Variants in ANKHD1 observed in about 807,000 individuals in gnomAD.
ANKHD1 encodes ankyrin repeat and KH domain-containing protein 1.
Under a neutral mutation model 230.5 loss-of-function variants are expected in ANKHD1, and 31 were observed. The ratio of observed to expected loss-of-function variants is 0.13; its 90% CI spans 0.10 to 0.18. The LOEUF (loss-of-function observed/expected upper bound fraction) is 0.18, where lower values mean the gene tolerates loss of function less well. ANKHD1 is among the 10% of genes least tolerant of loss of function. The pLI is 1.00. For synonymous variants in ANKHD1, 1,074 were observed against 1,117.6 expected (o/e 0.96, Z 0.78); for missense variants, 2,256 against 3,071.3 (o/e 0.73, Z 6.27).
At chr5:140,464,855 A>G (rs1775975083) in intron 10 of ANKHD1, 79 bp downstream of exon 10, 1 of 1,385,212 alleles carries the variant, frequency 7.2e-7, no homozygotes, top group Admixed American at 2.3e-5. Flanking sequence ...AACACTAAAG[A>G]TCAATGGTTT....
At chr5:140,424,422 T>C (rs1772241489) in intron 1 of ANKHD1, among the ~76,000 whole-genome samples, 1 of 152,168 alleles carries the variant, frequency 6.6e-6, no homozygotes, top group Non-Finnish European at 1.5e-5. Context: ...CAGCTCTGAC[T>C]CCTCCGGTGC....
chr5:140,463,654 T>G (rs1449567276), intron 9 of ANKHD1, among the ~76,000 whole-genome samples: 2 of 152,030 alleles, frequency 1.3e-5, no homozygotes, highest in African/African-American at 4.8e-5. Context: ...AAGGGTTTTT[T>G]TTGGTTTTGT....
Position 140,441,061 on chromosome 5 carries a change from G to A in ANKHD1, c.832G>A (p.Ala278Thr). 1 of 1,612,042 alleles carries A rather than the reference G, an allele frequency of 6.2e-7. No homozygotes were observed. The highest frequency in any genetic ancestry group is 8.5e-7 in the Non-Finnish European group (1 of 1,179,242). Residue 278 changes from alanine to threonine, a missense_variant, in exon 5 of 34, where the codon GCA becomes ACA. Around this residue, in one of 13 missense-constraint regions of ANKHD1, gnomAD observed 206 missense variants for 304.5 expected, o/e 0.68. Coordinates refer to ENST00000360839, the MANE Select transcript of ANKHD1 (RefSeq NM_017747.3). ...TAAAGGAGACATAACTCCCCTGATG[G>A]CAGCTTCCAGTGGAGGTTACTTAGA... ...GNKGDITPLM[A>T]ASSGGYLDIV...
intron 24 of ANKHD1, among the ~76,000 whole-genome samples, chr5:140,519,627 G>A (rs1194015257): frequency 6.6e-6 from 1 of 152,098 alleles, no homozygotes; most frequent in Non-Finnish European, 1.5e-5. Flanking sequence ...AACGCCGCAT[G>A]TCTACAACTA....
intron 10 of ANKHD1, among the ~76,000 whole-genome samples, chr5:140,468,794 CTGAGT>C (rs1199869298): frequency 6.6e-6 from 1 of 151,992 alleles, no homozygotes; most frequent in African/African-American, 2.4e-5. Flanking sequence ...GCATAAACAC[CTGAGT>C]TAATAGTTTT....
At chr5:140,459,795 A>C (rs969147330) in intron 9 of ANKHD1, among the ~76,000 whole-genome samples, 1 of 152,150 alleles carries the variant, frequency 6.6e-6, no homozygotes, top group African/African-American at 2.4e-5. Context: ...ATAATTAAAA[A>C]TACTGTTTAG....
rs546105542 is a variant in ANKHD1 at position 140,449,800 on chromosome 5, A to T, written c.1242+495A>T. 3.9e-5 allele frequency among the ~76,000 whole-genome samples: 6 copies of T among 152,268 alleles called. No individual in the cohort carries two copies. The East Asian group carries it at 1.2e-3, about 29-fold the overall frequency. ...GTATTTGGCCTTAGGGATATTATTG[A>T]TAAAACTCTAATTCTGGAGATAGTA... On this transcript the variant is annotated intron_variant, in intron 7 of 33. Transcript: ENST00000360839.
chr5:140,445,277 G>A (rs1009468552), intron 5 of ANKHD1, among the ~76,000 whole-genome samples: 14 of 151,974 alleles, frequency 9.2e-5, no homozygotes, highest in African/African-American at 3.4e-4. Context: ...AGGCCGAGGC[G>A]GGTGGATTAC....
chr5:140,445,459 G>A (rs575945906), intron 5 of ANKHD1, among the ~76,000 whole-genome samples: 5 of 152,182 alleles, frequency 3.3e-5, no homozygotes, highest in East Asian at 1.9e-4. Context: ...AGCCAAGATC[G>A]TGCCATTGCA....
At chr5:140,426,795 T>G (rs191167192) in intron 1 of ANKHD1, among the ~76,000 whole-genome samples, 3 of 152,186 alleles carry the variant, frequency 2.0e-5, no homozygotes, top group African/African-American at 7.2e-5. Context: ...CAACCCTGAG[T>G]GGATACAGCA....
intron 20 of ANKHD1, 65 bp downstream of exon 20, chr5:140,508,063 C>A: frequency 6.5e-7 from 1 of 1,540,058 alleles, no homozygotes; most frequent in Admixed American, 2.1e-5. Flanking sequence ...GGCATTTTAA[C>A]GCAAATTGAA....
At chr5:140,491,096 A>G (rs1357575695) in intron 14 of ANKHD1, among the ~76,000 whole-genome samples, 44 of 122,698 alleles carry the variant, frequency 3.6e-4, no homozygotes, top group South Asian at 5.4e-4. Context: ...GTGTGTGTAT[A>G]TATATATATA....
At position 140,524,208 on chromosome 5, in the gene ANKHD1, A is replaced by C; in HGVS notation, c.4460A>C (p.Glu1487Ala). Residue 1487 changes from glutamate (E) to alanine (A), a missense_variant, in exon 25 of 34, where the codon GAG becomes GCG. Physicochemically the swap from Glu to Ala is moderately radical, Grantham distance 107. Around this residue, in one of 13 missense-constraint regions of ANKHD1, gnomAD observed 212 missense variants for 257.3 expected, o/e 0.82. Transcript: ENST00000360839. Reference protein sequence around the residue: ...NKPKENSELPEDEDEEENDED... With the variant: ...NKPKENSELPADEDEEENDED... ...CCTAAGGAGAATTCGGAACTACCAGAGGATGAAGATGAAGAGGAGAATGAT... is the reference window on the plus strand; with the variant it reads ...CCTAAGGAGAATTCGGAACTACCAGCGGATGAAGATGAAGAGGAGAATGAT... The C allele has an allele frequency of 6.3e-7, 1 of 1,590,298 alleles. No homozygotes were observed. Among genetic ancestry groups the C allele is most frequent in the East Asian group, 2.3e-5 (1 of 44,290 alleles).
rs114934673 is a variant in ANKHD1, at chr5:140,445,180, G to A, written c.914-562G>A. On this transcript the variant is annotated intron_variant, in intron 5 of 33. Coordinates refer to ENST00000360839, the MANE Select transcript of ANKHD1 (RefSeq NM_017747.3). ...TGGCCAGAAAATCTCTTAATTAGTA[G>A]GAAAATTGGCCGGGCGTGGTATAAT... is the stretch of plus-strand genomic sequence containing the variant. Among the ~76,000 whole-genome samples the A allele has an allele frequency of 7.7e-3, 1,163 of 151,546 alleles. 15 individuals are homozygous for A. The highest frequency in any genetic ancestry group is 0.025 in the African/African-American group (1,024 of 41,392).
Position 140,402,034 on chromosome 5 carries a change from T to G in ANKHD1, c.67T>G (p.Ser23Ala). Reference sequence around the variant, plus strand: ...GGACCTGGACTCTGTGGCTCCGCGATCCGCCCCAGCTGGGGCCTCGGAGCC... The same window carrying G: ...GGACCTGGACTCTGTGGCTCCGCGAGCCGCCCCAGCTGGGGCCTCGGAGCC... Reference protein sequence around the residue: ...EEDLDSVAPRSAPAGASEPPP... With the variant: ...EEDLDSVAPRAAPAGASEPPP... Residue 23 changes from serine (S) to alanine (A), a missense_variant, in exon 1 of 34, where the codon TCC becomes GCC. By Grantham distance (99) the Ser-to-Ala change is moderately conservative. Coordinates refer to ENST00000360839, the MANE Select transcript of ANKHD1 (RefSeq NM_017747.3). The G allele has an allele frequency of 6.7e-7, 1 of 1,501,232 alleles. No individual in the cohort carries two copies. Among genetic ancestry groups the G allele is most frequent in the Non-Finnish European group, 8.8e-7 (1 of 1,130,966 alleles). 93.0% of individuals were successfully genotyped at this position (1,501,232 alleles called of 1,614,324 possible). A position where few individuals can be genotyped will look rare whatever the true frequency, so the allele number is the denominator to read the frequency against.
intron 1 of ANKHD1, among the ~76,000 whole-genome samples, chr5:140,428,998 C>G (rs1459128682): frequency 1.3e-5 from 2 of 151,602 alleles, no homozygotes; most frequent in Admixed American, 1.3e-4. Context: ...GTTGGCCAGG[C>G]TGGTCTCGAA....
intron 1 of ANKHD1, among the ~76,000 whole-genome samples, chr5:140,410,610 T>C (rs1282331073): frequency 6.6e-6 from 1 of 152,222 alleles, no homozygotes; most frequent in Non-Finnish European, 1.5e-5. Flanking sequence ...ATCAATTCTT[T>C]TTTTAAACCC....
intron 1 of ANKHD1, among the ~76,000 whole-genome samples, chr5:140,424,271 A>G (rs866877401): frequency 6.6e-5 from 10 of 152,180 alleles, no homozygotes; most frequent in African/African-American, 2.2e-4. Context: ...TGTATCACAC[A>G]CACATCTATA....
chr5:140,411,310 T>C (rs956714952), intron 1 of ANKHD1, among the ~76,000 whole-genome samples: 4 of 152,204 alleles, frequency 2.6e-5, no homozygotes, highest in African/African-American at 7.2e-5. Context: ...CTTGCCCAGA[T>C]CACACAGTTA....
Sources: gnomAD v4.1 joint callset for allele counts (sites outside exome capture counted in the v4.1 genomes callset) on GRCh38, gnomAD v4.1.1 for gene constraint, gnomAD v4.1.1 regional missense constraint, MANE v1.5 for transcripts, NCBI Gene and HGNC (gene_info 2026-07-23, HGNC 2026-07-21) for gene names.